TRAF3: variants seen among roughly 807,000 people sequenced by gnomAD.
TRAF3 encodes TNF receptor-associated factor 3.
A neutral mutation model predicts 62.3 loss-of-function variants in TRAF3; 13 were observed. The observed-to-expected ratio is 0.21, with a 90% CI of 0.14 to 0.33. The LOEUF (loss-of-function observed/expected upper bound fraction) is 0.33, where lower values mean the gene tolerates loss of function less well. Among genes scored for constraint, TRAF3 ranks in the 10% least tolerant of loss-of-function variants. The probability of loss-of-function intolerance (pLI) is 1.00; values close to 1 mark genes in which losing one functional copy is unlikely to be tolerated. For missense variants in TRAF3, 440 were observed against 741.8 expected, an observed-to-expected ratio of 0.59 and a Z score of 4.73; for synonymous variants, 269 against 283.4, an observed-to-expected ratio of 0.95 and a Z score of 0.51.
Position 102,801,908 on chromosome 14 carries a change from C to T in TRAF3, c.-157+24233C>T, listed in dbSNP as rs1297557175. Among the ~76,000 whole-genome samples the T allele has an allele frequency of 2.0e-3, 292 of 148,534 alleles. 2 individuals carry two copies. The highest frequency in any genetic ancestry group is 7.0e-3 in the African/African-American group (282 of 40,420). On this transcript the variant is annotated intron_variant, in intron 1 of 11. Transcript: ENST00000392745. The stretch of plus-strand genomic sequence containing the variant: ...GCGGGCGCCTGTAGTCCCAGCTACT[C>T]AGGAGGCTGAGGCAGGAGAATGGCG...
intron 1 of TRAF3, among the ~76,000 whole-genome samples, chr14:102,825,491 C>G (rs997389455): frequency 1.3e-5 from 2 of 152,260 alleles, no homozygotes; most frequent in Non-Finnish European, 2.9e-5. Flanking sequence ...CCCTTCAGCC[C>G]TGGGCCAGCT....
At chr14:102,860,132 A>G (rs560863681) in intron 2 of TRAF3, among the ~76,000 whole-genome samples, 153 of 152,356 alleles carry the variant, frequency 1.0e-3, no homozygotes, top group African/African-American at 3.6e-3. Context: ...CAGGTGGCCA[A>G]GAGCATGCTC....
intron 2 of TRAF3, among the ~76,000 whole-genome samples, chr14:102,835,755 G>GGGTGGAA (rs1885961315): frequency 6.6e-6 from 1 of 152,162 alleles, no homozygotes; most frequent in Admixed American, 6.5e-5. Flanking sequence ...GCCTACTTGA[G>GGGTGGAA]GGTGGAAGGT....
chr14:102,869,821 A>T (rs960902035), intron 2 of TRAF3, among the ~76,000 whole-genome samples: 5 of 151,410 alleles, frequency 3.3e-5, no homozygotes, highest in South Asian at 2.1e-4. Flanking sequence ...AAAAAAAAAA[A>T]ATTTTTGGAG....
chr14:102,785,635 A>AGGCATGGAAGCCCTTACCACTGTT (rs1375184260), intron 1 of TRAF3, among the ~76,000 whole-genome samples: 7 of 152,238 alleles, frequency 4.6e-5, no homozygotes, highest in Non-Finnish European at 5.9e-5. Flanking sequence ...TATGAGTTAA[A>AGGCATGGAAGCCCTTACCACTGTT]GGCATGGAAG....
At chr14:102,871,526 T>C (rs1795940277) in intron 3 of TRAF3, among the ~76,000 whole-genome samples, 1 of 152,194 alleles carries the variant, frequency 6.6e-6, no homozygotes, top group African/African-American at 2.4e-5. Flanking sequence ...CCAAATGGCC[T>C]GTGGAGAAGG....
At chr14:102,864,218 G>A (rs1231771061) in intron 2 of TRAF3, among the ~76,000 whole-genome samples, 1 of 146,348 alleles carries the variant, frequency 6.8e-6, no homozygotes, top group Non-Finnish European at 1.5e-5. Context: ...GCGCCATCAC[G>A]GCTCACTGCA....
At position 102,802,145 on chromosome 14, in the gene TRAF3, C is replaced by T. The variant is rs557514608; in HGVS notation, c.-157+24470C>T. Among the ~76,000 whole-genome samples the T allele has an allele frequency of 1.2e-3, 173 of 144,482 alleles. 2 individuals carry two copies. The highest frequency in any genetic ancestry group is 7.5e-3 in the Middle Eastern group (2 of 266). The allele number at this position is 144,482 out of a possible 152,430, so 94.8% of individuals were successfully genotyped here. ...GGGATTGCAGGCATGAGCCATTGCA[C>T]CTGGACTCATTTTTTTTTTTTTTTT... On this transcript the variant is annotated intron_variant, in intron 1 of 11. Transcript: ENST00000392745.
At chr14:102,841,315 G>T (rs570712488) in intron 2 of TRAF3, among the ~76,000 whole-genome samples, 1 of 152,206 alleles carries the variant, frequency 6.6e-6, no homozygotes, top group Non-Finnish European at 1.5e-5. Flanking sequence ...TGGTCTGCAC[G>T]TGGCCAAGAG....
intron 1 of TRAF3, among the ~76,000 whole-genome samples, chr14:102,828,569 CTG>C (rs1566760323): frequency 2.0e-5 from 3 of 152,142 alleles, no homozygotes; most frequent in African/African-American, 4.8e-5. Context: ...GTTTTCATCT[CTG>C]TGTTCAGATG....
rs540541082 is a variant in TRAF3, at chr14:102,842,040, TTGAAGAG to T, written c.-18+11570_-18+11576del. Among the ~76,000 whole-genome samples, 61 of 151,998 alleles carry T rather than the reference TTGAAGAG, an allele frequency of 4.0e-4. 1 individual carries two copies. In the East Asian group the frequency reaches 0.011, roughly 28 times the overall value. ...TGGGCAGATCATTTGAGGTCTGGAG[TTGAAGAG>T]TAGCCTGGCCAACATGGCGAAACCT... is the stretch of plus-strand genomic sequence containing the variant. On this transcript the variant is annotated intron_variant, in intron 2 of 11. Transcript: ENST00000392745.
At chr14:102,779,890 G>T (rs1178387171) in intron 1 of TRAF3, among the ~76,000 whole-genome samples, 1 of 152,206 alleles carries the variant, frequency 6.6e-6, no homozygotes, top group Non-Finnish European at 1.5e-5. Context: ...TCCTTGCAAT[G>T]GTCAGTTTAA....
At chr14:102,887,598 T>C (rs1372294090) in intron 7 of TRAF3, among the ~76,000 whole-genome samples, 1 of 152,014 alleles carries the variant, frequency 6.6e-6, no homozygotes, top group Non-Finnish European at 1.5e-5. Context: ...TGAAATAATT[T>C]CTTTTTTTTT....
chr14:102,849,253 C>T (rs1356820039), intron 2 of TRAF3, among the ~76,000 whole-genome samples: 1 of 152,202 alleles, frequency 6.6e-6, no homozygotes. Context: ...AACTTCTGCC[C>T]CTTATACAGC....
chr14:102,884,216 C>CCA (rs1294291816), intron 6 of TRAF3, among the ~76,000 whole-genome samples: 2 of 152,224 alleles, frequency 1.3e-5, no homozygotes, highest in Non-Finnish European at 2.9e-5. Flanking sequence ...CATGGCTGCA[C>CCA]CACTCCAACC....
intron 10 of TRAF3, among the ~76,000 whole-genome samples, chr14:102,901,870 C>T (rs556525706): frequency 7.2e-5 from 11 of 152,286 alleles, no homozygotes; most frequent in South Asian, 2.1e-4. Context: ...CCCTGGGGCC[C>T]GCCCCTCGAG....
chr14:102,864,025 C>T (rs1486060067), intron 2 of TRAF3, among the ~76,000 whole-genome samples: 1 of 152,190 alleles, frequency 6.6e-6, no homozygotes, highest in Non-Finnish European at 1.5e-5. Context: ...TGCCATGGAA[C>T]TCGCGGTTCT....
chr14:102,794,550 A>G (rs1036784012), intron 1 of TRAF3, among the ~76,000 whole-genome samples: 3 of 152,192 alleles, frequency 2.0e-5, no homozygotes, highest in Non-Finnish European at 2.9e-5. Flanking sequence ...ATGTTCTAAA[A>G]AGACACAGAG....
chr14:102,854,261 T>A (rs1243780481), intron 2 of TRAF3, among the ~76,000 whole-genome samples: 1 of 152,170 alleles, frequency 6.6e-6, no homozygotes, highest in Non-Finnish European at 1.5e-5. Flanking sequence ...TGTGAACAAG[T>A]TTTTGCGTGA....
Sources: gnomAD v4.1 joint callset for allele counts (sites outside exome capture counted in the v4.1 genomes callset) on GRCh38, gnomAD v4.1.1 for gene constraint, MANE v1.5 for transcripts, NCBI Gene and HGNC (gene_info 2026-07-23, HGNC 2026-07-21) for gene names.